The following CTNNA3 variants were observed in gnomAD, a reference collection of about 807,000 sequenced individuals.
CTNNA3 encodes the protein catenin alpha 3.
CTNNA3 carries 76 observed loss-of-function variants against 95.7 expected under a neutral mutation model. The ratio of observed to expected loss-of-function variants is 0.79; its 90% CI spans 0.66 to 0.96. The LOEUF (loss-of-function observed/expected upper bound fraction) is 0.96, where lower values mean the gene tolerates loss of function less well. Ranked by LOEUF, CTNNA3 falls within the 40% of genes least tolerant of loss-of-function variation. The pLI, the probability that CTNNA3 is intolerant of heterozygous loss-of-function variation, is 0.00. For synonymous variants in CTNNA3, 431 were observed against 374.4 expected, an observed-to-expected ratio of 1.15 and a Z score of -1.74; for missense variants, 1,191 against 1,089.8, an observed-to-expected ratio of 1.09 and a Z score of -1.31.
chr10:67,160,740 G>A (rs139109206), intron 7 of CTNNA3, among the ~76,000 whole-genome samples: 15 of 152,084 alleles, frequency 9.9e-5, no homozygotes, highest in Admixed American at 2.0e-4. Context: ...TCGGCCTCAC[G>A]GCATCATTAT....
intron 5 of CTNNA3, among the ~76,000 whole-genome samples, chr10:67,326,303 G>T (rs1351427563): frequency 6.6e-6 from 1 of 152,150 alleles, no homozygotes; most frequent in Admixed American, 6.5e-5. Context: ...ACTTGTTTAT[G>T]TAGTTGCTTT....
At chr10:67,715,875 G>A (rs1434721393) in intron 1 of CTNNA3, among the ~76,000 whole-genome samples, 2 of 152,068 alleles carry the variant, frequency 1.3e-5, no homozygotes, top group African/African-American at 2.4e-5. Flanking sequence ...GTTTGGGGCA[G>A]GTATTTTTTT....
chr10:66,814,280 AAAG>A (rs1358712344), intron 7 of CTNNA3, among the ~76,000 whole-genome samples: 1 of 151,556 alleles, frequency 6.6e-6, no homozygotes, highest in Admixed American at 6.6e-5. Flanking sequence ...AAAAAAAAAA[AAAG>A]AAACATCAAT....
At chr10:66,693,959 G>A (rs1284033664) in intron 9 of CTNNA3, among the ~76,000 whole-genome samples, 5 of 151,890 alleles carry the variant, frequency 3.3e-5, no homozygotes, top group African/African-American at 9.7e-5. Context: ...CACATTCAAA[G>A]CAGTGTGTAG....
At chr10:67,002,972 G>A (rs74141758) in intron 7 of CTNNA3, among the ~76,000 whole-genome samples, 193 of 152,142 alleles carry the variant, frequency 1.3e-3, no homozygotes, top group African/African-American at 4.1e-3. Flanking sequence ...TGTGGCTGCC[G>A]AATAAAATAC....
At chr10:66,751,682 C>T (rs1241910470) in intron 9 of CTNNA3, among the ~76,000 whole-genome samples, 1 of 152,126 alleles carries the variant, frequency 6.6e-6, no homozygotes. Context: ...TACTGCCTTC[C>T]AAGGTTCTAA....
chr10:66,358,410 T>C (rs1173556538), intron 12 of CTNNA3, among the ~76,000 whole-genome samples: 2 of 152,192 alleles, frequency 1.3e-5, no homozygotes, highest in African/African-American at 4.8e-5. Flanking sequence ...CAAACTCTGA[T>C]TTCCTCTCCA....
intron 10 of CTNNA3, among the ~76,000 whole-genome samples, chr10:66,578,254 C>T (rs1843068101): frequency 6.6e-6 from 1 of 151,896 alleles, no homozygotes; most frequent in Non-Finnish European, 1.5e-5. Flanking sequence ...TAAGCAGAGT[C>T]ATGTTGTCTT....
rs111344458 is a variant in CTNNA3, at chr10:66,566,443, T to C, written c.1375-45670A>G. On this transcript the variant is annotated intron_variant, in intron 10 of 17. Transcript: ENST00000433211. ...TTTTGATGGTAAGTCTGTGCCCAGA[T>C]TGAAATGCAGCTTAGCTTACATAAT... 3.6e-3 allele frequency among the ~76,000 whole-genome samples: 542 copies of C among 152,324 alleles called. 4 individuals are homozygous for C. The highest frequency in any genetic ancestry group is 0.012 in the African/African-American group (487 of 41,576).
intron 7 of CTNNA3, among the ~76,000 whole-genome samples, chr10:66,976,557 C>T (rs1783208726): frequency 6.6e-6 from 1 of 152,168 alleles, no homozygotes; most frequent in South Asian, 2.1e-4. Flanking sequence ...GACATCATCT[C>T]TTCCTAAAAA....
At chr10:66,830,989 T>C (rs1487870954) in intron 7 of CTNNA3, among the ~76,000 whole-genome samples, 2 of 152,178 alleles carry the variant, frequency 1.3e-5, no homozygotes, top group Non-Finnish European at 2.9e-5. Flanking sequence ...GTTTTATATG[T>C]TTTTAAATGA....
At chr10:66,153,868 C>T (rs2084337735) in intron 13 of CTNNA3, among the ~76,000 whole-genome samples, 1 of 151,734 alleles carries the variant, frequency 6.6e-6, no homozygotes, top group South Asian at 2.1e-4. Flanking sequence ...CACACACACA[C>T]ACACACACAC....
At position 67,301,972 on chromosome 10, in the gene CTNNA3, G is replaced by C. The variant is rs948959102; in HGVS notation, c.580-82102C>G. Among the ~76,000 whole-genome samples, 20 of 86,468 alleles carry C rather than the reference G, an allele frequency of 2.3e-4. 1 individual carries two copies. The highest frequency in any genetic ancestry group is 1.1e-3 in the South Asian group (2 of 1,844). 56.7% of individuals were successfully genotyped at this position (86,468 alleles called of 152,430 possible). ...CGACAGAGCGAGACTCGTCAAGAAA[G>C]AAAAAAGAAAGAAAGAAAGAACGAA... On this transcript the variant is annotated intron_variant, in intron 5 of 17. Transcript: ENST00000433211.
intron 5 of CTNNA3, among the ~76,000 whole-genome samples, chr10:67,323,879 T>G (rs1841430108): frequency 1.3e-5 from 2 of 152,184 alleles, no homozygotes; most frequent in Admixed American, 1.3e-4. Flanking sequence ...CTCTGATTTC[T>G]TTGAGCAGTG....
At chr10:66,974,541 C>T (rs1439647201) in intron 7 of CTNNA3, among the ~76,000 whole-genome samples, 1 of 152,094 alleles carries the variant, frequency 6.6e-6, no homozygotes, top group African/African-American at 2.4e-5. Flanking sequence ...ATTACTGGTT[C>T]GTAGTGTAAG....
chr10:67,306,363 T>A (rs2132512551), intron 5 of CTNNA3, among the ~76,000 whole-genome samples: 1 of 152,286 alleles, frequency 6.6e-6, no homozygotes, highest in South Asian at 2.1e-4. Flanking sequence ...TATGTTGGAA[T>A]AAACTCCCAA....
At chr10:67,611,136 T>C (rs994627656) in intron 2 of CTNNA3, among the ~76,000 whole-genome samples, 8 of 152,158 alleles carry the variant, frequency 5.3e-5, no homozygotes, top group African/African-American at 1.9e-4. Context: ...TGTAAAAATA[T>C]TTATATATTA....
intron 1 of CTNNA3, among the ~76,000 whole-genome samples, chr10:67,670,412 C>T (rs1840409194): frequency 6.6e-6 from 1 of 152,116 alleles, no homozygotes; most frequent in African/African-American, 2.4e-5. Flanking sequence ...CTTGTAATAT[C>T]CCTAAATTTT....
intron 5 of CTNNA3, among the ~76,000 whole-genome samples, chr10:67,430,830 C>CACAAACAA (rs1846086858): frequency 6.6e-6 from 1 of 150,674 alleles, no homozygotes; most frequent in Admixed American, 6.6e-5. Flanking sequence ...TACACACACA[C>CACAAACAA]ACACACACAC....
Sources: allele counts gnomAD v4.1 joint callset (sites outside exome capture counted in the v4.1 genomes callset), GRCh38; gene constraint gnomAD v4.1.1; transcripts MANE v1.5; gene names NCBI Gene and HGNC (gene_info 2026-07-23, HGNC 2026-07-21).